Variants in STK17B observed in about 807,000 individuals in gnomAD.
The protein encoded by STK17B is serine/threonine kinase 17b, also known as serine/threonine-protein kinase 17B.
A neutral mutation model predicts 42.0 loss-of-function variants in STK17B; 21 were observed. The ratio of observed to expected loss-of-function variants is 0.50; its 90% CI spans 0.35 to 0.72. The LOEUF (loss-of-function observed/expected upper bound fraction) is 0.72, where lower values mean the gene tolerates loss of function less well. Among genes scored for constraint, STK17B ranks in the 30% least tolerant of loss-of-function variants. The pLI is 0.00. For missense variants in STK17B, 349 were observed against 446.0 expected, an observed-to-expected ratio of 0.78 and a Z score of 1.96; for synonymous variants, 143 against 148.4, an observed-to-expected ratio of 0.96 and a Z score of 0.26.
chr2:196,173,872 G>A (rs986000401), upstream of STK17B, among the ~76,000 whole-genome samples: 35 of 152,130 alleles, frequency 2.3e-4, no homozygotes, highest in African/African-American at 7.7e-4. Flanking sequence ...GAGTATGACC[G>A]TATGTGGAGA....
chr2:196,163,119 G>T, intron 2 of STK17B, 143 bp downstream of exon 2: 1 of 963,278 alleles, frequency 1.0e-6, no homozygotes, highest in Admixed American at 2.4e-5. Context: ...GTTAAGACTG[G>T]ACCCTAGGTA....
At chr2:196,140,123 C>G (rs949667808) in intron 6 of STK17B, among the ~76,000 whole-genome samples, 3 of 152,156 alleles carry the variant, frequency 2.0e-5, no homozygotes, top group Admixed American at 6.5e-5. Flanking sequence ...TTTCCAATGG[C>G]AAAGTAATGA....
At chr2:196,159,972 T>C (rs559450117) in intron 2 of STK17B, among the ~76,000 whole-genome samples, 1 of 152,312 alleles carries the variant, frequency 6.6e-6, no homozygotes, top group African/African-American at 2.4e-5. Context: ...AAGGTAAACA[T>C]TTTTACCATA....
chr2:196,147,991 G>A (rs1699607280), intron 3 of STK17B, among the ~76,000 whole-genome samples: 1 of 152,126 alleles, frequency 6.6e-6, no homozygotes, highest in Admixed American at 6.5e-5. Context: ...GCCTCCCAAA[G>A]TGTTGGGATT....
chr2:196,145,771 C>T (rs746517490), intron 4 of STK17B, 140 bp downstream of exon 4: 36 of 713,778 alleles, frequency 5.0e-5, no homozygotes, highest in East Asian at 9.7e-5. Context: ...CATAGGCACA[C>T]GTAAGCAAAG....
At chr2:196,142,966 T>C (rs1367146699) in intron 5 of STK17B, among the ~76,000 whole-genome samples, 1 of 152,212 alleles carries the variant, frequency 6.6e-6, no homozygotes, top group South Asian at 2.1e-4. Flanking sequence ...TAATCTAATT[T>C]GTTGATTTCA....
At chr2:196,159,872 C>A (rs563831207) in intron 2 of STK17B, among the ~76,000 whole-genome samples, 1 of 146,354 alleles carries the variant, frequency 6.8e-6, no homozygotes, top group East Asian at 1.9e-4. Context: ...TATTCTGTAT[C>A]CTGTACTTAA....
rs919726834 is a variant in STK17B at position 196,139,498 on chromosome 2, A to G, written c.836+122T>C. The stretch of plus-strand genomic sequence containing the variant: ...CACCTATTTTACCTAGAACTTGTAC[A>G]TATTTCTAATAATTTTATACTATTT... On this transcript the variant is annotated intron_variant, in intron 7 of 7. Transcript: ENST00000263955. 13 of 610,110 alleles carry G rather than the reference A, an allele frequency of 2.1e-5. No homozygotes were observed. In the African/African-American group the frequency reaches 2.3e-4, roughly 11 times the overall value. 37.8% of individuals were successfully genotyped at this position (610,110 alleles called of 1,614,324 possible). A position where few individuals can be genotyped will look rare whatever the true frequency, so the allele number is the denominator to read the frequency against.
At chr2:196,166,482 G>C (rs541600484) in intron 1 of STK17B, among the ~76,000 whole-genome samples, 5 of 151,928 alleles carry the variant, frequency 3.3e-5, no homozygotes, top group Non-Finnish European at 7.4e-5. Flanking sequence ...TCAGGTTATA[G>C]CATTTAAAAA....
At chr2:196,174,846 G>C (rs1367823968), upstream of STK17B, among the ~76,000 whole-genome samples, 1 of 152,196 alleles carries the variant, frequency 6.6e-6, no homozygotes, top group Non-Finnish European at 1.5e-5. Context: ...AGCTAATTGG[G>C]GCTAGTTTTG....
At position 196,156,289 on chromosome 2, in the gene STK17B, T is replaced by C; in HGVS notation, c.335+150A>G. ...GCCCGAGGCTATACATTTAGTCTTA[T>C]GAAAATATCTGAATATAAATTAGGT... On this transcript the variant is annotated intron_variant, in intron 3 of 7. Transcript: ENST00000263955. The C allele has an allele frequency of 7.3e-6, 5 of 688,338 alleles. No homozygotes were observed. The East Asian group carries it at 8.5e-5, about 12-fold the overall frequency. The allele number at this position is 688,338 out of a possible 1,614,324, so 42.6% of individuals were successfully genotyped here.
intron 1 of STK17B, among the ~76,000 whole-genome samples, chr2:196,166,852 CAAAT>C (rs1307531109): frequency 6.6e-6 from 1 of 152,014 alleles, no homozygotes; most frequent in African/African-American, 2.4e-5. Flanking sequence ...TCAAAATTAT[CAAAT>C]AAGAAAGTTT....
At chr2:196,156,868 A>T (rs1699746333) in intron 2 of STK17B, among the ~76,000 whole-genome samples, 1 of 152,226 alleles carries the variant, frequency 6.6e-6, no homozygotes, top group Non-Finnish European at 1.5e-5. Flanking sequence ...AACTATAACA[A>T]CAGGATAAGA....
intron 2 of STK17B, among the ~76,000 whole-genome samples, chr2:196,160,863 C>T (rs1420025158): frequency 1.3e-5 from 2 of 152,260 alleles, no homozygotes; most frequent in Middle Eastern, 3.4e-3. Context: ...CCTAATTCAA[C>T]TTTATTTATG....
chr2:196,145,257 A>G (rs1362982340), intron 4 of STK17B, among the ~76,000 whole-genome samples: 1 of 151,956 alleles, frequency 6.6e-6, no homozygotes, highest in Non-Finnish European at 1.5e-5. Context: ...TATTATTATT[A>G]AAGTGGTAAT....
intron 2 of STK17B, among the ~76,000 whole-genome samples, chr2:196,160,013 T>C (rs1699790978): frequency 6.6e-6 from 1 of 152,146 alleles, no homozygotes; most frequent in African/African-American, 2.4e-5. Flanking sequence ...AAAAACCAAA[T>C]ATTTGTTTTC....
chr2:196,157,021 C>T lies in STK17B; in HGVS notation c.123-370G>A, dbSNP rs189258933. Reference sequence around the variant, plus strand: ...CTCTACTAAAAATATAAAAATCAGCCAGGCGTTGTGGCGCATGCCTGTAAT... The same window carrying T: ...CTCTACTAAAAATATAAAAATCAGCTAGGCGTTGTGGCGCATGCCTGTAAT... On this transcript the variant is annotated intron_variant, in intron 2 of 7. Transcript: ENST00000263955. Among the ~76,000 whole-genome samples the T allele has an allele frequency of 3.3e-5, 5 of 152,160 alleles. No individual in the cohort carries two copies. In the East Asian group the frequency reaches 7.7e-4, roughly 23 times the overall value.
intron 3 of STK17B, among the ~76,000 whole-genome samples, chr2:196,147,099 GA>G (rs1363809425): frequency 1.3e-5 from 2 of 152,022 alleles, no homozygotes; most frequent in Admixed American, 6.6e-5. Context: ...AAAATCCACA[GA>G]TTTTTTTAGG....
In STK17B at chr2:196,163,002, T is replaced by C. The variant is rs148892646; in HGVS notation, c.122+260A>G. Reference sequence around the variant, plus strand: ...CACTATGCTGAGCTGCCTCTTCCCATGCACAGCCTCATGTAACGACAGAGA... The same window carrying C: ...CACTATGCTGAGCTGCCTCTTCCCACGCACAGCCTCATGTAACGACAGAGA... On this transcript the variant is annotated intron_variant, in intron 2 of 7. Transcript: ENST00000263955. Among the ~76,000 whole-genome samples, 3 of 152,294 alleles carry C rather than the reference T, an allele frequency of 2.0e-5. No individual in the cohort carries two copies. The East Asian group carries it at 5.8e-4, about 29-fold the overall frequency.
Sources: gnomAD v4.1 joint callset for allele counts (sites outside exome capture counted in the v4.1 genomes callset) on GRCh38, gnomAD v4.1.1 for gene constraint, MANE v1.5 for transcripts, NCBI Gene and HGNC (gene_info 2026-07-23, HGNC 2026-07-21) for gene names.